Variants in CADM2 observed in about 807,000 individuals in gnomAD.
CADM2 encodes cell adhesion molecule 2, also known as immunoglobulin superfamily member 4D.
Under a neutral mutation model 49.8 loss-of-function variants are expected in CADM2, and 12 were observed. That is an observed-to-expected ratio of 0.24 (90% CI 0.15 to 0.39). The LOEUF is 0.39. Ranked by LOEUF, CADM2 falls within the 10% of genes least tolerant of loss-of-function variation. CADM2 has a pLI of 1.00. For synonymous variants in CADM2, 214 were observed against 175.4 expected (o/e 1.22, Z -1.74); for missense variants, 378 against 492.3 (o/e 0.77, Z 2.20).
chr3:85,055,148 G>A (rs6781873), intron 1 of CADM2, among the ~76,000 whole-genome samples: 4,527 of 151,820 alleles, frequency 0.03, 196 homozygotes, highest in African/African-American at 0.1. Flanking sequence ...ATTCTTACTC[G>A]TAATAATGAA....
intron 1 of CADM2, among the ~76,000 whole-genome samples, chr3:85,100,897 T>C (rs546494971): frequency 6.6e-6 from 1 of 152,190 alleles, no homozygotes; most frequent in African/African-American, 2.4e-5. Context: ...GATAGTCTTT[T>C]GTCATGTGCA....
chr3:85,199,395 CA>C (rs1559716376), intron 1 of CADM2, among the ~76,000 whole-genome samples: 2 of 115,156 alleles, frequency 1.7e-5, no homozygotes, highest in Non-Finnish European at 3.3e-5. Context: ...GAGAGAAGCC[CA>C]AATAGGCAGA....
Position 86,018,483 on chromosome 3 carries a change from C to T in CADM2, c.971-47122C>T, listed in dbSNP as rs925359199. 3.9e-5 allele frequency among the ~76,000 whole-genome samples: 6 copies of T among 152,008 alleles called. No homozygotes were observed. In the South Asian group the frequency reaches 1.2e-3, roughly 32 times the overall value. On this transcript the variant is annotated intron_variant, in intron 8 of 9. Coordinates refer to ENST00000383699, the MANE Select transcript of CADM2 (RefSeq NM_001167675.2). ...CTTCCACAATGGTTTAACTAGTTTA[C>T]AGTCCCACCAACAGTGTAAAAGTGT...
intron 1 of CADM2, among the ~76,000 whole-genome samples, chr3:85,196,292 T>G (rs1044123800): frequency 1.3e-5 from 2 of 151,994 alleles, no homozygotes; most frequent in African/African-American, 4.8e-5. Context: ...GGTTTTATTT[T>G]GTGTTAACAA....
intron 8 of CADM2, among the ~76,000 whole-genome samples, chr3:85,987,668 T>A (rs1038684931): frequency 4.8e-5 from 7 of 146,748 alleles, no homozygotes; most frequent in Admixed American, 2.7e-4. Context: ...ATTTATAATA[T>A]AAATTTATAT....
chr3:86,043,566 T>G (rs946565001), intron 8 of CADM2, among the ~76,000 whole-genome samples: 1 of 150,974 alleles, frequency 6.6e-6, no homozygotes, highest in Non-Finnish European at 1.5e-5. Context: ...CTCAAGGAAA[T>G]AAAAGAACGG....
At chr3:85,358,119 G>A (rs1308012604) in intron 1 of CADM2, among the ~76,000 whole-genome samples, 1 of 151,942 alleles carries the variant, frequency 6.6e-6, no homozygotes, top group African/African-American at 2.4e-5. Flanking sequence ...ATTGTATAAT[G>A]TTGTGTAATG....
chr3:85,680,540 G>A (rs2066011132), intron 1 of CADM2, among the ~76,000 whole-genome samples: 1 of 152,042 alleles, frequency 6.6e-6, no homozygotes, highest in Non-Finnish European at 1.5e-5. Flanking sequence ...AGCTTTATGT[G>A]CTCCATAAGT....
chr3:85,428,406 C>A, intron 1 of CADM2, among the ~76,000 whole-genome samples: 1 of 140,000 alleles, frequency 7.1e-6, no homozygotes, highest in African/African-American at 2.6e-5. Context: ...TACATATTCC[C>A]CTATGGGAAT....
chr3:86,016,324 T>C (rs1577958315), intron 8 of CADM2, among the ~76,000 whole-genome samples: 1 of 152,282 alleles, frequency 6.6e-6, no homozygotes, highest in Admixed American at 6.5e-5. Flanking sequence ...ATAAGCATCT[T>C]GCATATGATA....
intron 1 of CADM2, among the ~76,000 whole-genome samples, chr3:85,128,914 G>A (rs868078423): frequency 5.3e-5 from 8 of 152,106 alleles, no homozygotes; most frequent in African/African-American, 1.9e-4. Flanking sequence ...AAACAATTGT[G>A]TATTTGTCAC....
rs191027151 is a variant in CADM2, at chr3:85,013,049, A to G, written c.61+53381A>G. Reference sequence around the variant, plus strand: ...TTGATATATTAATGAATGTGTTGCAATGTTAACTTACACATAACACTTATT... The same window carrying G: ...TTGATATATTAATGAATGTGTTGCAGTGTTAACTTACACATAACACTTATT... On this transcript the variant is annotated intron_variant, in intron 1 of 9. Coordinates refer to ENST00000383699, the MANE Select transcript of CADM2 (RefSeq NM_001167675.2). 3.5e-3 allele frequency among the ~76,000 whole-genome samples: 527 copies of G among 151,872 alleles called. 3 individuals are homozygous for G. The highest frequency in any genetic ancestry group is 3.9e-3 in the Non-Finnish European group (267 of 67,780).
chr3:85,401,202 G>T (rs925814126), intron 1 of CADM2, among the ~76,000 whole-genome samples: 1 of 152,084 alleles, frequency 6.6e-6, no homozygotes, highest in African/African-American at 2.4e-5. Context: ...CCACAGCCCC[G>T]TTCAGGATCC....
chr3:85,709,986 G>T (rs2067068684), intron 1 of CADM2, among the ~76,000 whole-genome samples: 2 of 152,144 alleles, frequency 1.3e-5, no homozygotes, highest in African/African-American at 4.8e-5. Context: ...AGCCTGGAAA[G>T]TGTGTTACCT....
At chr3:85,621,160 C>T (rs992220689) in intron 1 of CADM2, among the ~76,000 whole-genome samples, 1 of 152,064 alleles carries the variant, frequency 6.6e-6, no homozygotes, top group Non-Finnish European at 1.5e-5. Flanking sequence ...TTTCTAGTTA[C>T]ACTGTAATGA....
chr3:85,553,338 A>C (rs1470137891), intron 1 of CADM2, among the ~76,000 whole-genome samples: 1 of 152,092 alleles, frequency 6.6e-6, no homozygotes, highest in Non-Finnish European at 1.5e-5. Flanking sequence ...TACTATTCTT[A>C]ATTGTATACA....
intron 1 of CADM2, among the ~76,000 whole-genome samples, chr3:85,002,557 A>G (rs963430320): frequency 2.4e-4 from 37 of 152,264 alleles, no homozygotes; most frequent in Middle Eastern, 3.4e-3. Flanking sequence ...GATTACTTAG[A>G]AAACAACTTG....
chr3:85,233,194 A>G (rs2042335940), intron 1 of CADM2, among the ~76,000 whole-genome samples: 1 of 152,150 alleles, frequency 6.6e-6, no homozygotes, highest in South Asian at 2.1e-4. Flanking sequence ...AGGCAATACT[A>G]CTGAGACGGT....
At chr3:85,367,885 G>T (rs185817393) in intron 1 of CADM2, among the ~76,000 whole-genome samples, 2 of 151,624 alleles carry the variant, frequency 1.3e-5, no homozygotes, top group African/African-American at 4.8e-5. Flanking sequence ...CGCAGATACA[G>T]CTGAGAATCA....
Sources: gnomAD v4.1 joint callset for allele counts (sites outside exome capture counted in the v4.1 genomes callset) on GRCh38, gnomAD v4.1.1 for gene constraint, MANE v1.5 for transcripts, NCBI Gene and HGNC (gene_info 2026-07-23, HGNC 2026-07-21) for gene names.